MIA2: variants seen among roughly 807,000 people sequenced by gnomAD.
The protein encoded by MIA2 is melanoma inhibitory activity protein 2.
A neutral mutation model predicts 167.8 loss-of-function variants in MIA2; 127 were observed. The observed-to-expected ratio is 0.76, with a 90% CI of 0.66 to 0.88. The LOEUF (loss-of-function observed/expected upper bound fraction) is 0.88, where lower values mean the gene tolerates loss of function less well. Among genes scored for constraint, MIA2 ranks in the 40% least tolerant of loss-of-function variants. The pLI is 0.00. For missense variants in MIA2, 1,690 were observed against 1,624.7 expected, an observed-to-expected ratio of 1.04 and a Z score of -0.69; for synonymous variants, 552 against 541.9, an observed-to-expected ratio of 1.02 and a Z score of -0.26.
At chr14:39,326,832 A>G (rs771975867) in intron 24 of MIA2, 32 bp from the exon 25 acceptor site, 80 of 1,495,866 alleles carry the variant, frequency 5.3e-5, no homozygotes, top group Non-Finnish European at 6.4e-5. Context: ...TTAAGATGAA[A>G]CAGATTTGTA....
rs373359696 is a variant in MIA2, at chr14:39,278,338, C to T, written c.2020-999C>T. Among the ~76,000 whole-genome samples, 464 of 152,218 alleles carry T rather than the reference C, an allele frequency of 3.0e-3. 2 individuals carry two copies. The highest frequency in any genetic ancestry group is 5.8e-3 in the African/African-American group (241 of 41,544). On this transcript the variant is annotated intron_variant, in intron 7 of 28. Coordinates refer to ENST00000640607, the MANE Select transcript of MIA2 (RefSeq NM_001329214.4). ...GTTGCCCCTTTTACTTCTGACTTCC[C>T]TATCTCTTAACTTCTATTTTTCAAT...
intron 15 of MIA2, among the ~76,000 whole-genome samples, chr14:39,302,523 A>G (rs2062690325): frequency 6.6e-6 from 1 of 152,150 alleles, no homozygotes. Context: ...AGCCATTTTC[A>G]AAATTACATC....
At chr14:39,269,200 T>G (rs2056676248) in intron 6 of MIA2, among the ~76,000 whole-genome samples, 1 of 151,684 alleles carries the variant, frequency 6.6e-6, no homozygotes, top group African/African-American at 2.4e-5. Flanking sequence ...TTGAGATATA[T>G]TCACACAACA....
intron 23 of MIA2, among the ~76,000 whole-genome samples, chr14:39,356,811 C>A (rs181283562): frequency 3.3e-5 from 5 of 152,076 alleles, no homozygotes; most frequent in African/African-American, 1.2e-4. Context: ...CGTTATGTAC[C>A]CAGTAGTCAT....
In MIA2 at chr14:39,271,811, C is replaced by T. The variant is rs113052579; in HGVS notation, c.1888-5123C>T. ...TAGGTCCAAGTTCTTGTCTCACAAC[C>T]AAGAAGAATTAGGCATGCGGACCCC... is the stretch of plus-strand genomic sequence containing the variant. On this transcript the variant is annotated intron_variant, in intron 6 of 28. Coordinates refer to ENST00000640607, the MANE Select transcript of MIA2 (RefSeq NM_001329214.4). 4.0e-5 allele frequency among the ~76,000 whole-genome samples: 6 copies of T among 151,862 alleles called. 1 individual carries two copies. Among genetic ancestry groups the T allele is most frequent in the African/African-American group, 1.2e-4 (5 of 41,406 alleles).
intron 23 of MIA2, among the ~76,000 whole-genome samples, chr14:39,365,650 C>T (rs934039060): frequency 6.8e-6 from 1 of 147,872 alleles, no homozygotes; most frequent in Non-Finnish European, 1.5e-5. Flanking sequence ...TTTAAAAATA[C>T]CTATCTATCT....
chr14:39,258,449 C>G (rs551841045), intron 6 of MIA2, among the ~76,000 whole-genome samples: 9 of 152,118 alleles, frequency 5.9e-5, no homozygotes, highest in Non-Finnish European at 1.2e-4. Context: ...TCATTTGTTC[C>G]TCTCTAAAAT....
At chr14:39,282,383 G>A (rs1189133888) in intron 9 of MIA2, among the ~76,000 whole-genome samples, 5 of 152,020 alleles carry the variant, frequency 3.3e-5, no homozygotes, top group East Asian at 1.9e-4. Context: ...GATGAGATAC[G>A]TGTATAGTAA....
At chr14:39,288,471 A>ATT (rs1428823924) in intron 9 of MIA2, among the ~76,000 whole-genome samples, 8 of 51,654 alleles carry the variant, frequency 1.5e-4, no homozygotes, top group Admixed American at 7.0e-4. Context: ...ATATATATAT[A>ATT]TATATTTTTT....
At chr14:39,276,044 A>C (rs1312928916) in intron 6 of MIA2, among the ~76,000 whole-genome samples, 1 of 152,228 alleles carries the variant, frequency 6.6e-6, no homozygotes. Flanking sequence ...CCTGAAAAGA[A>C]TCAAACCCCA....
chr14:39,279,160 CAA>C (rs71435634), intron 7 of MIA2, among the ~76,000 whole-genome samples, 175 bp from the exon 8 acceptor site: 11 of 96,366 alleles, frequency 1.1e-4, no homozygotes, highest in East Asian at 3.1e-4. Context: ...GACTCTGTCT[CAA>C]AAAAAAAAAA....
Position 39,285,515 on chromosome 14 carries a change from G to T in MIA2, c.2131-5504G>T, listed in dbSNP as rs868818297. Among the ~76,000 whole-genome samples the T allele has an allele frequency of 3.4e-5, 5 of 145,278 alleles. No homozygotes were observed. In the South Asian group the frequency reaches 8.8e-4, roughly 25 times the overall value. On this transcript the variant is annotated intron_variant, in intron 9 of 28. Transcript: ENST00000640607. Reference sequence around the variant, plus strand: ...TCCCGGACGGGGCGGCTGGCCGGGCGGGGGCTGACCCCCCACCTCCCTCCC... The same window carrying T: ...TCCCGGACGGGGCGGCTGGCCGGGCTGGGGCTGACCCCCCACCTCCCTCCC...
intron 6 of MIA2, chr14:39,269,081 T>A: frequency 1.2e-6 from 1 of 809,784 alleles, no homozygotes; most frequent in Non-Finnish European, 1.4e-6. Context: ...ACAGTTTTTT[T>A]TTTTTTTTTT....
At chr14:39,262,613 C>T (rs2055177243) in intron 6 of MIA2, among the ~76,000 whole-genome samples, 1 of 152,136 alleles carries the variant, frequency 6.6e-6, no homozygotes, top group African/African-American at 2.4e-5. Context: ...GGCAGTATGG[C>T]CATTTTCACA....
chr14:39,338,421 T>C (rs1286545974), intron 25 of MIA2, among the ~76,000 whole-genome samples: 1 of 152,226 alleles, frequency 6.6e-6, no homozygotes, highest in South Asian at 2.1e-4. Context: ...ATATTAAGCA[T>C]ATAATGTGAT....
At chr14:39,275,899 A>G (rs1258089404) in intron 6 of MIA2, among the ~76,000 whole-genome samples, 2 of 152,192 alleles carry the variant, frequency 1.3e-5, no homozygotes, top group African/African-American at 2.4e-5. Flanking sequence ...TGAAGTATAG[A>G]TAGTACCTTG....
At chr14:39,386,259 A>G in intron 23 of MIA2, 1 of 1,436,916 alleles carries the variant, frequency 7.0e-7, no homozygotes, top group South Asian at 1.1e-5. Flanking sequence ...CCTTCCTTTG[A>G]TAACTCAGTC....
chr14:39,325,659 G>A (rs748551368), intron 24 of MIA2, among the ~76,000 whole-genome samples: 15 of 151,290 alleles, frequency 9.9e-5, no homozygotes, highest in South Asian at 2.1e-4. Flanking sequence ...GAGCCACCGC[G>A]CCTGGCCAAA....
chr14:39,364,484 T>C (rs986120546), intron 23 of MIA2, among the ~76,000 whole-genome samples: 29 of 152,066 alleles, frequency 1.9e-4, no homozygotes, highest in Admixed American at 1.9e-3. Flanking sequence ...TTGAATCCTT[T>C]TTGTTCCTTA....
Sources: allele counts gnomAD v4.1 joint callset (sites outside exome capture counted in the v4.1 genomes callset), GRCh38; gene constraint gnomAD v4.1.1; transcripts MANE v1.5; gene names NCBI Gene and HGNC (gene_info 2026-07-23, HGNC 2026-07-21).